The following SNAPC3 variants were observed in gnomAD, a reference collection of about 807,000 sequenced individuals.
SNAPC3 encodes the protein small nuclear RNA activating complex polypeptide 3, also known as snRNA-activating protein complex subunit 3.
SNAPC3 carries 56 observed loss-of-function variants against 47.7 expected under a neutral mutation model. That is an observed-to-expected ratio of 1.18 (90% CI 0.95 to 1.47). The LOEUF is 1.47. Ranked by LOEUF, SNAPC3 falls within the 40% of genes most tolerant of loss-of-function variation. The pLI, the probability that SNAPC3 is intolerant of heterozygous loss-of-function variation, is 0.00. For synonymous variants in SNAPC3, 235 were observed against 189.9 expected, an observed-to-expected ratio of 1.24 and a Z score of -1.95; for missense variants, 665 against 511.3, an observed-to-expected ratio of 1.30 and a Z score of -2.90.
intron 3 of SNAPC3, among the ~76,000 whole-genome samples, chr9:15,439,310 GT>G (rs2033112936): frequency 6.6e-6 from 1 of 152,138 alleles, no homozygotes; most frequent in Non-Finnish European, 1.5e-5. Context: ...CTTTATATAA[GT>G]TTATAATTGT....
chr9:15,449,531 ATTAT>A (rs1260867463), intron 5 of SNAPC3, among the ~76,000 whole-genome samples: 1 of 102,770 alleles, frequency 9.7e-6, no homozygotes, highest in Non-Finnish European at 2.0e-5. Flanking sequence ...CTCTTCTATT[ATTAT>A]TATATATATA....
At chr9:15,453,229 T>G in intron 7 of SNAPC3, 24 bp downstream of exon 7, 1 of 1,546,016 alleles carries the variant, frequency 6.5e-7, no homozygotes, top group Non-Finnish European at 8.8e-7. Context: ...CTTAAGACAT[T>G]TTGTTACCTT....
chr9:15,464,751 TAA>T (rs2132021200), downstream of SNAPC3: 1 of 205,096 alleles, frequency 4.9e-6, no homozygotes, highest in East Asian at 7.6e-5. Context: ...AAAAGGACCT[TAA>T]ATGATTTAAC....
In SNAPC3 at chr9:15,458,201, C is replaced by A; in HGVS notation, c.1088+134C>A. On this transcript the variant is annotated intron_variant, in intron 8 of 8. Transcript: ENST00000380821. ...TGAAGTATCATCTAGTAGGGAAGTGCCAGAAAATCAATTTAGTGAGTTAAA... is the reference window on the plus strand; with the variant it reads ...TGAAGTATCATCTAGTAGGGAAGTGACAGAAAATCAATTTAGTGAGTTAAA... 5.8e-6 allele frequency: 3 copies of A among 518,184 alleles called. No homozygotes were observed. In the South Asian group the frequency reaches 9.1e-5, roughly 16 times the overall value. The allele number at this position is 518,184 out of a possible 1,614,324, so 32.1% of individuals were successfully genotyped here. A position where few individuals can be genotyped will look rare whatever the true frequency, so the allele number is the denominator to read the frequency against.
At chr9:15,423,250 C>T (rs1211868579) in intron 1 of SNAPC3, 57 bp downstream of exon 1, 1 of 1,470,140 alleles carries the variant, frequency 6.8e-7, no homozygotes. Flanking sequence ...TGCAGCCTTG[C>T]TCGTGCGCTC....
intron 3 of SNAPC3, among the ~76,000 whole-genome samples, chr9:15,442,617 G>A (rs2033566547): frequency 6.6e-6 from 1 of 152,066 alleles, no homozygotes; most frequent in South Asian, 2.1e-4. Context: ...ACAATGGGCG[G>A]CCGGGCAGAG....
intron 2 of SNAPC3, among the ~76,000 whole-genome samples, chr9:15,432,884 A>T (rs1433826243): frequency 2.6e-5 from 4 of 152,234 alleles, no homozygotes; most frequent in Non-Finnish European, 5.9e-5. Context: ...AGGAGAAACA[A>T]GATTTGCATA....
chr9:15,460,268 C>T lies in SNAPC3; in HGVS notation c.*402C>T, dbSNP rs2035107031. The T allele has an allele frequency of 6.5e-6, 1 of 153,554 alleles. No individual in the cohort carries two copies. The highest frequency in any genetic ancestry group is 2.1e-4 in the South Asian group (1 of 4,842). The allele number at this position is 153,554 out of a possible 1,614,324, so 9.5% of individuals were successfully genotyped here. A position where few individuals can be genotyped will look rare whatever the true frequency, so the allele number is the denominator to read the frequency against. Reference sequence around the variant, plus strand: ...AAGTAGTGGAAGTGTTTTGAAAATTCTTTGAAGAATGTGAGAGCTACACCT... The same window carrying T: ...AAGTAGTGGAAGTGTTTTGAAAATTTTTTGAAGAATGTGAGAGCTACACCT... On this transcript the variant is annotated 3_prime_UTR_variant, in exon 9 of 9. Transcript: ENST00000380821.
At chr9:15,447,396 G>A (rs914665446) in intron 5 of SNAPC3, 152 bp downstream of exon 5, 44 of 699,994 alleles carry the variant, frequency 6.3e-5, no homozygotes, top group East Asian at 3.0e-4. Flanking sequence ...CTTTATCACC[G>A]GAACTTTTCC....
intron 5 of SNAPC3, among the ~76,000 whole-genome samples, chr9:15,448,215 G>A (rs182560940): frequency 5.1e-4 from 77 of 152,188 alleles, no homozygotes; most frequent in African/African-American, 1.8e-3. Context: ...CATAAATGTT[G>A]GTATAACTGA....
Position 15,453,147 on chromosome 9 carries a change from CCTTA to C in SNAPC3, c.927_930del (p.Leu310ThrfsTer16). On this transcript the variant is annotated frameshift_variant, in exon 7 of 9. Transcript: ENST00000380821. LOFTEE classifies it high-confidence loss of function. ...TGACTTGTGTATTAAACTGGGTTTT[CCTTA>C]CTTATACTGTCATCAGGGAGACTGT... is the stretch of plus-strand genomic sequence containing the variant. 2 of 1,613,496 alleles carry C rather than the reference CCTTA, an allele frequency of 1.2e-6. No individual in the cohort carries two copies. Among genetic ancestry groups the C allele is most frequent in the Non-Finnish European group, 1.7e-6 (2 of 1,179,448 alleles).
In SNAPC3 at chr9:15,455,285, A is replaced by G. The variant is rs559543791; in HGVS notation, c.980+2080A>G. ...GATGTTATTAAAATTTTATATCAGCAGCCTGGCATGGTGGCTCATGCCTGT... is the reference window on the plus strand; with the variant it reads ...GATGTTATTAAAATTTTATATCAGCGGCCTGGCATGGTGGCTCATGCCTGT... On this transcript the variant is annotated intron_variant, in intron 7 of 8. Transcript: ENST00000380821. Among the ~76,000 whole-genome samples, 4 of 152,078 alleles carry G rather than the reference A, an allele frequency of 2.6e-5. No individual in the cohort carries two copies. The East Asian group carries it at 7.8e-4, about 29-fold the overall frequency.
intron 3 of SNAPC3, among the ~76,000 whole-genome samples, chr9:15,441,378 CTTTTCTTTTT>C (rs1454845659): frequency 3.7e-3 from 151 of 40,526 alleles, no homozygotes; most frequent in African/African-American, 0.011. Context: ...CAAGAGTTCC[CTTTTCTTTTT>C]TTTTTTTTTT....
Position 15,442,081 on chromosome 9 carries a change from C to T in SNAPC3, c.478-2521C>T, listed in dbSNP as rs1289717658. Among the ~76,000 whole-genome samples, 2 of 151,712 alleles carry T rather than the reference C, an allele frequency of 1.3e-5. 1 individual carries two copies. Among genetic ancestry groups the T allele is most frequent in the African/African-American group, 4.8e-5 (2 of 41,360 alleles). The stretch of plus-strand genomic sequence containing the variant: ...GCAGGGGCTGCCCCCCAACCTCCCT[C>T]CCGGACGGGGCGGCTGGCCAGGCGG... On this transcript the variant is annotated intron_variant, in intron 3 of 8. Transcript: ENST00000380821.
chr9:15,427,044 T>A (rs1455759799), intron 2 of SNAPC3, among the ~76,000 whole-genome samples: 1 of 152,244 alleles, frequency 6.6e-6, no homozygotes, highest in Non-Finnish European at 1.5e-5. Context: ...AAAACATAAG[T>A]ACATCATTTC....
At chr9:15,447,645 T>A (rs73417330) in intron 5 of SNAPC3, among the ~76,000 whole-genome samples, 12 of 152,192 alleles carry the variant, frequency 7.9e-5, no homozygotes, top group Non-Finnish European at 1.6e-4. Flanking sequence ...TTTCCATTTT[T>A]ATGTAACTTG....
intron 3 of SNAPC3, among the ~76,000 whole-genome samples, chr9:15,444,135 T>A (rs937543601): frequency 6.6e-6 from 1 of 152,228 alleles, no homozygotes; most frequent in Non-Finnish European, 1.5e-5. Flanking sequence ...GATGTCATGG[T>A]GTTATAAAAA....
intron 5 of SNAPC3, among the ~76,000 whole-genome samples, chr9:15,448,016 A>G (rs769816740): frequency 1.3e-5 from 2 of 152,214 alleles, no homozygotes; most frequent in Non-Finnish European, 2.9e-5. Context: ...ACATTTCATC[A>G]TAGGGCAGGA....
intron 3 of SNAPC3, among the ~76,000 whole-genome samples, chr9:15,438,874 T>G (rs2033065866): frequency 6.6e-6 from 1 of 152,242 alleles, no homozygotes; most frequent in Admixed American, 6.5e-5. Context: ...TTCTCGTTGT[T>G]CAAGTCTCCT....
Sources: allele counts gnomAD v4.1 joint callset (sites outside exome capture counted in the v4.1 genomes callset), GRCh38; gene constraint gnomAD v4.1.1; transcripts MANE v1.5; gene names NCBI Gene and HGNC (gene_info 2026-07-23, HGNC 2026-07-21).